PIGS: variants seen among roughly 807,000 people sequenced by gnomAD.
PIGS encodes the protein GPI-anchor transamidase component PIGS.
PIGS carries 37 observed loss-of-function variants against 58.2 expected under a neutral mutation model. The observed-to-expected ratio is 0.64, with a 90% confidence interval of 0.49 to 0.84. The LOEUF (loss-of-function observed/expected upper bound fraction) is 0.84. Ranked by LOEUF, PIGS falls within the 40% of genes least tolerant of loss-of-function variation. The pLI, the probability that PIGS is intolerant of heterozygous loss-of-function variation, is 0.00. For missense variants in PIGS, 629 were observed against 710.8 expected, an observed-to-expected ratio of 0.88 and a Z score of 1.31; for synonymous variants, 269 against 289.2, an observed-to-expected ratio of 0.93 and a Z score of 0.71.
At position 28,571,481 on chromosome 17, in the gene PIGS, C is replaced by G. The variant is rs772672235; in HGVS notation, c.16G>C (p.Ala6Pro). 3 of 1,608,616 alleles carry G rather than the reference C, an allele frequency of 1.9e-6. No individual in the cohort carries two copies. The highest frequency in any genetic ancestry group is 3.4e-5 in the Admixed American group (2 of 59,634). The part of the protein sequence containing the change: MAAAG[A>P]AATHLEVARG... ...ACCGCACCTAGGTGTGTAGCCGCAG[C>G]CCCGGCGGCCGCCATGCTAGCTTCC... Residue 6 changes from alanine to proline, a missense_variant, in exon 1 of 12, where the codon GCT becomes CCT. Coordinates refer to ENST00000308360, the MANE Select transcript of PIGS (RefSeq NM_033198.4).
At position 28,563,519 on chromosome 17, in the gene PIGS, G is replaced by A. The variant is rs897402699; in HGVS notation, c.380C>T (p.Ala127Val). ...EALSSGSVQE[A>V]EAMLDEPQEQ... ...CTGAGGCTCATCTAACATGGCTTCT[G>A]CCTCTGGGGGCAAGAACAGGTGGTA... The change falls in exon 5 of 12, where the codon GCA becomes GTA. Residue 127 changes from alanine to valine, a missense_variant. By Grantham distance (64) the Ala-to-Val change is moderately conservative. Coordinates refer to ENST00000308360, the MANE Select transcript of PIGS (RefSeq NM_033198.4). The A allele has an allele frequency of 5.6e-6, 9 of 1,613,660 alleles. No homozygotes were observed. Among genetic ancestry groups the A allele is most frequent in the Non-Finnish European group, 6.8e-6 (8 of 1,179,886 alleles).
In PIGS at chr17:28,554,576, C is replaced by T. The variant is rs2070313999; in HGVS notation, c.1393-81G>A. The T allele has an allele frequency of 8.7e-6, 13 of 1,485,864 alleles. No homozygotes were observed. In the Admixed American group the frequency reaches 1.6e-4, roughly 19 times the overall value. The allele number at this position is 1,485,864 out of a possible 1,614,324, so 92.0% of individuals were successfully genotyped here. ...AGGGTGCTGGGCCTTACTGTGCCTT[C>T]CATCTACCAAGGAAGATGCCTGGAG... On this transcript the variant is annotated intron_variant, in intron 11 of 11. Transcript: ENST00000308360.
chr17:28,556,212 C>T lies in PIGS; in HGVS notation c.1135G>A (p.Glu379Lys), dbSNP rs763390901. The change falls in exon 10 of 12, where the codon GAG becomes AAG. Residue 379 changes from glutamate to lysine, a missense_variant. Physicochemically the swap from Glu to Lys is moderately conservative, Grantham distance 56. Transcript: ENST00000308360. ...YNASVLPVRVEVDMVRVMEVF... is the reference protein window; with the variant it reads ...YNASVLPVRVKVDMVRVMEVF... ...TCCATCACTCGCACCATGTCCACCTCGACTCTCACTGGCAGCACTGAGGCA... is the reference window on the plus strand; with the variant it reads ...TCCATCACTCGCACCATGTCCACCTTGACTCTCACTGGCAGCACTGAGGCA... 2.5e-6 allele frequency: 4 copies of T among 1,614,046 alleles called. No individual in the cohort carries two copies. Among genetic ancestry groups the T allele is most frequent in the South Asian group, 2.2e-5 (2 of 91,084 alleles).
intron 5 of PIGS, among the ~76,000 whole-genome samples, chr17:28,562,530 T>G (rs2070370017): frequency 6.6e-6 from 1 of 151,462 alleles, no homozygotes; most frequent in Non-Finnish European, 1.5e-5. Flanking sequence ...ACCTCCTGGG[T>G]TCAAGTGATT....
rs2070315912 is a variant in PIGS at position 28,554,865 on chromosome 17, C to T, written c.1378G>A (p.Asp460Asn). The change falls in exon 11 of 12, where the codon GAC becomes AAC. Residue 460 changes from aspartate to asparagine, a missense_variant. Transcript: ENST00000308360. Reference protein sequence around the residue: ...GKISNIVIKDDVASEVYKAVA... With the variant: ...GKISNIVIKDNVASEVYKAVA... Reference sequence around the variant, plus strand: ...TGCCTGCTTACCTCAGATGCCACGTCGTCCTTAATGACAATGTTGCTGATC... The same window carrying T: ...TGCCTGCTTACCTCAGATGCCACGTTGTCCTTAATGACAATGTTGCTGATC... 3.7e-6 allele frequency: 6 copies of T among 1,614,164 alleles called. No homozygotes were observed. Among genetic ancestry groups the T allele is most frequent in the South Asian group, 1.1e-5 (1 of 91,074 alleles).
rs1597588435 is a variant in PIGS at position 28,571,324 on chromosome 17, C to T, written c.35-136G>A. 3 of 1,516,262 alleles carry T rather than the reference C, an allele frequency of 2.0e-6. No homozygotes were observed. In the East Asian group the frequency reaches 7.3e-5, roughly 37 times the overall value. 93.9% of individuals were successfully genotyped at this position (1,516,262 alleles called of 1,614,324 possible). On this transcript the variant is annotated intron_variant, in intron 1 of 11. Transcript: ENST00000308360. The stretch of plus-strand genomic sequence containing the variant: ...GATCTCCGTGCGAAGGGACCCGGCC[C>T]AAGCCTGAAGGGAATCTCGTCTGAA...
At chr17:28,557,943 G>A (rs776949773) in intron 8 of PIGS, among the ~76,000 whole-genome samples, 58 of 152,286 alleles carry the variant, frequency 3.8e-4, no homozygotes, top group Non-Finnish European at 6.9e-4. Context: ...AAAGTGCTAG[G>A]AATCACGTTT....
Position 28,554,064 on chromosome 17 carries a change from A to G in PIGS, c.*156T>C, listed in dbSNP as rs2070308443. The G allele has an allele frequency of 4.2e-6, 4 of 941,634 alleles. No homozygotes were observed. Among genetic ancestry groups the G allele is most frequent in the Admixed American group, 2.5e-5 (1 of 39,436 alleles). The allele number at this position is 941,634 out of a possible 1,614,324, so 58.3% of individuals were successfully genotyped here. On this transcript the variant is annotated 3_prime_UTR_variant, in exon 12 of 12. Coordinates refer to ENST00000308360, the MANE Select transcript of PIGS (RefSeq NM_033198.4). ...TGGGAAAGGAAGAAAAGATGAACCC[A>G]TCTTGGAGTGTTGTACTTTGGTTGC...
intron 7 of PIGS, among the ~76,000 whole-genome samples, chr17:28,559,110 G>A (rs972070885): frequency 2.6e-5 from 4 of 151,964 alleles, no homozygotes; most frequent in Non-Finnish European, 5.9e-5. Context: ...CTCCCGAGTA[G>A]CTGGGACTAA....
intron 7 of PIGS, among the ~76,000 whole-genome samples, chr17:28,559,615 C>T (rs375471341): frequency 2.0e-5 from 3 of 150,110 alleles, no homozygotes; most frequent in East Asian, 4.0e-4. Flanking sequence ...TCAGGAGAAT[C>T]GCTTGAACCT....
chr17:28,556,720 G>T, intron 9 of PIGS, 107 bp downstream of exon 9: 1 of 1,412,128 alleles, frequency 7.1e-7, no homozygotes, highest in South Asian at 1.4e-5. Flanking sequence ...CCTCCCACAG[G>T]CTGGGCCATG....
At chr17:28,564,659 G>A (rs2070384516) in intron 3 of PIGS, among the ~76,000 whole-genome samples, 1 of 148,242 alleles carries the variant, frequency 6.7e-6, no homozygotes, top group Non-Finnish European at 1.5e-5. Context: ...AGGCTGCAGT[G>A]AGCCGAGATC....
At chr17:28,567,802 C>G (rs2070402407) in intron 3 of PIGS, among the ~76,000 whole-genome samples, 1 of 152,170 alleles carries the variant, frequency 6.6e-6, no homozygotes, top group African/African-American at 2.4e-5. Context: ...TTCTCTCTTC[C>G]TCATTCACTC....
intron 8 of PIGS, 107 bp from the exon 9 acceptor site, chr17:28,557,079 C>CA: frequency 8.3e-7 from 1 of 1,211,088 alleles, no homozygotes; most frequent in South Asian, 1.3e-5. Flanking sequence ...GATTCCCCAA[C>CA]TAACAATCAT....
chr17:28,560,270 GA>G, intron 6 of PIGS, 79 bp from the exon 7 acceptor site: 1 of 1,495,972 alleles, frequency 6.7e-7, no homozygotes, highest in Non-Finnish European at 9.1e-7. Context: ...CAGCTGAGCT[GA>G]ACTTGTTTCT....
intron 7 of PIGS, among the ~76,000 whole-genome samples, chr17:28,559,262 G>A (rs749671810): frequency 3.3e-5 from 5 of 151,744 alleles, no homozygotes; most frequent in Admixed American, 1.3e-4. Flanking sequence ...GGCGTGAGCC[G>A]CCGCACCTGG....
At chr17:28,561,071 C>T (rs547728257) in intron 6 of PIGS, among the ~76,000 whole-genome samples, 6 of 152,052 alleles carry the variant, frequency 3.9e-5, no homozygotes, top group Non-Finnish European at 8.8e-5. Context: ...TCCTGGCTAA[C>T]ACAGTGAAAC....
intron 10 of PIGS, chr17:28,555,465 C>T: frequency 4.8e-6 from 1 of 209,150 alleles, no homozygotes; most frequent in Admixed American, 5.3e-5. Context: ...ATGTGCTGTG[C>T]TTCTCTAAGC....
At chr17:28,566,271 CT>C (rs57310687) in intron 3 of PIGS, among the ~76,000 whole-genome samples, 44,207 of 97,892 alleles carry the variant, frequency 0.45, 7,638 homozygotes, top group African/African-American at 0.63. Flanking sequence ...TTTTTCTTTT[CT>C]TTTTTTTTTT....
Sources: allele counts gnomAD v4.1 joint callset (sites outside exome capture counted in the v4.1 genomes callset), GRCh38; gene constraint gnomAD v4.1.1; transcripts MANE v1.5; gene names NCBI Gene and HGNC (gene_info 2026-07-23, HGNC 2026-07-21).